The following SLC7A14 variants were observed in gnomAD, a reference collection of about 807,000 sequenced individuals.
The protein encoded by SLC7A14 is gamma-aminobutyric acid transporter SLC7A14.
A neutral mutation model predicts 60.2 loss-of-function variants in SLC7A14; 37 were observed. That is an observed-to-expected ratio of 0.61 (90% CI 0.47 to 0.81). SLC7A14 has a LOEUF of 0.81. SLC7A14 is among the 30% of genes least tolerant of loss of function. SLC7A14 has a pLI of 0.00. For missense variants in SLC7A14, 886 were observed against 982.7 expected, an observed-to-expected ratio of 0.90 and a Z score of 1.32; for synonymous variants, 399 against 395.8, an observed-to-expected ratio of 1.01 and a Z score of -0.10.
At chr3:170,549,390 A>G (rs1351319394) in intron 1 of SLC7A14, among the ~76,000 whole-genome samples, 1 of 151,926 alleles carries the variant, frequency 6.6e-6, no homozygotes, top group Non-Finnish European at 1.5e-5. Context: ...AACATTTTGT[A>G]TTTTTGTAGA....
chr3:170,503,368 T>C (rs1024422577), intron 2 of SLC7A14, among the ~76,000 whole-genome samples: 1 of 152,188 alleles, frequency 6.6e-6, no homozygotes, highest in Non-Finnish European at 1.5e-5. Flanking sequence ...TGAAGAACTC[T>C]TCCATGGGGA....
intron 1 of SLC7A14, among the ~76,000 whole-genome samples, chr3:170,573,165 T>C (rs1056821978): frequency 6.6e-6 from 1 of 152,230 alleles, no homozygotes; most frequent in African/African-American, 2.4e-5. Flanking sequence ...GGCCAGATCA[T>C]AGTGCCCTCT....
chr3:170,502,999 T>A (rs927081877), intron 2 of SLC7A14: 2 of 152,248 alleles, frequency 1.3e-5, no homozygotes, highest in African/African-American at 4.8e-5. Flanking sequence ...AACTTTGTAG[T>A]ATTTTTTGCT....
intron 5 of SLC7A14, among the ~76,000 whole-genome samples, chr3:170,483,756 C>T (rs2108270665): frequency 6.6e-6 from 1 of 152,378 alleles, no homozygotes; most frequent in East Asian, 1.9e-4. Context: ...AACTCTCTAT[C>T]TCTCTGGTCC....
chr3:170,524,572 C>G (rs751048879), intron 2 of SLC7A14, among the ~76,000 whole-genome samples: 11 of 152,210 alleles, frequency 7.2e-5, no homozygotes, highest in Non-Finnish European at 1.5e-4. Context: ...TGGCCCTGTG[C>G]CTTCTGTGGA....
intron 7 of SLC7A14, among the ~76,000 whole-genome samples, chr3:170,468,792 G>A (rs989524319): frequency 2.0e-5 from 3 of 152,158 alleles, no homozygotes; most frequent in East Asian, 1.9e-4. Flanking sequence ...TCTGTAAAAC[G>A]ATGAGAGCTA....
intron 1 of SLC7A14, among the ~76,000 whole-genome samples, chr3:170,584,071 T>G (rs1277874388): frequency 3.9e-5 from 6 of 152,228 alleles, no homozygotes; most frequent in Admixed American, 6.5e-5. Flanking sequence ...TGTTTCCTTC[T>G]CTGTGTGATA....
At chr3:170,469,875 C>T (rs1739836303) in intron 7 of SLC7A14, among the ~76,000 whole-genome samples, 1 of 152,162 alleles carries the variant, frequency 6.6e-6, no homozygotes, top group Non-Finnish European at 1.5e-5. Context: ...CGTCTCTCCT[C>T]TGCCACCACA....
At chr3:170,509,001 G>C (rs1712876348) in intron 2 of SLC7A14, among the ~76,000 whole-genome samples, 1 of 152,204 alleles carries the variant, frequency 6.6e-6, no homozygotes, top group Non-Finnish European at 1.5e-5. Context: ...GCTGGACCCA[G>C]TGAACCTGCA....
rs1009310143 is a variant in SLC7A14, at chr3:170,464,610, A to G, written c.*2445T>C. ...GGTGATTTATCAACTTTAGAAAAAT[A>G]AAGGGAGCTAAGCTTAAAATATACT... On this transcript the variant is annotated 3_prime_UTR_variant, in exon 8 of 8. Transcript: ENST00000231706. 2.6e-5 allele frequency: 4 copies of G among 152,184 alleles called. No homozygotes were observed. Among genetic ancestry groups the G allele is most frequent in the African/African-American group, 9.7e-5 (4 of 41,444 alleles). The allele number at this position is 152,184 out of a possible 1,614,324, so 9.4% of individuals were successfully genotyped here.
At chr3:170,483,669 C>A in intron 5 of SLC7A14, 147 bp from the exon 6 acceptor site, 1 of 790,258 alleles carries the variant, frequency 1.3e-6, no homozygotes, top group Non-Finnish European at 2.0e-6. Flanking sequence ...TGTGCCTTTA[C>A]TGTAGACCAG....
intron 1 of SLC7A14, among the ~76,000 whole-genome samples, chr3:170,570,693 T>A (rs11920566): frequency 6.6e-6 from 1 of 152,154 alleles, no homozygotes; most frequent in Non-Finnish European, 1.5e-5. Context: ...TGGTAAAGTA[T>A]TTCATTGTGG....
chr3:170,503,638 G>A (rs570744448), intron 2 of SLC7A14, among the ~76,000 whole-genome samples: 1 of 152,276 alleles, frequency 6.6e-6, no homozygotes, highest in East Asian at 1.9e-4. Context: ...AGATTTATAA[G>A]TAAAATCTTT....
intron 7 of SLC7A14, among the ~76,000 whole-genome samples, chr3:170,468,299 CTTTTCTTTTTT>C (rs1739780418): frequency 6.6e-6 from 1 of 151,500 alleles, no homozygotes; most frequent in Admixed American, 6.6e-5. Context: ...TTTTCTTTTT[CTTTTCTTTTTT>C]TTTTTGAGAC....
intron 1 of SLC7A14, among the ~76,000 whole-genome samples, chr3:170,533,264 G>A (rs766305510): frequency 9.9e-5 from 15 of 152,124 alleles, no homozygotes; most frequent in African/African-American, 2.4e-5. Flanking sequence ...TATACTACGT[G>A]GCCAGGTACA....
chr3:170,551,957 T>G (rs1714365241), intron 1 of SLC7A14, among the ~76,000 whole-genome samples: 1 of 152,228 alleles, frequency 6.6e-6, no homozygotes, highest in Non-Finnish European at 1.5e-5. Flanking sequence ...GTTTATGCTT[T>G]TGATATCATA....
At chr3:170,517,394 TAAC>T (rs1713199489) in intron 2 of SLC7A14, among the ~76,000 whole-genome samples, 1 of 152,220 alleles carries the variant, frequency 6.6e-6, no homozygotes, top group South Asian at 2.1e-4. Context: ...CCAGTGTTGT[TAAC>T]AGCAGTTTCC....
intron 1 of SLC7A14, among the ~76,000 whole-genome samples, chr3:170,537,178 G>A (rs1713874008): frequency 6.6e-6 from 1 of 152,208 alleles, no homozygotes; most frequent in Non-Finnish European, 1.5e-5. Flanking sequence ...AGTCTGCAGG[G>A]CTGTGTACCT....
chr3:170,494,246 T>C (rs1577510953), intron 4 of SLC7A14, among the ~76,000 whole-genome samples: 2 of 152,242 alleles, frequency 1.3e-5, no homozygotes, highest in East Asian at 3.8e-4. Flanking sequence ...TGCAGGGCTG[T>C]TGTGAAAATT....
Sources: allele counts gnomAD v4.1 joint callset (sites outside exome capture counted in the v4.1 genomes callset), GRCh38; gene constraint gnomAD v4.1.1; transcripts MANE v1.5; gene names NCBI Gene and HGNC (gene_info 2026-07-23, HGNC 2026-07-21).